Variants in RIC3 observed in about 807,000 individuals in gnomAD.
RIC3 encodes RIC3 acetylcholine receptor chaperone.
Under a neutral mutation model 27.3 loss-of-function variants are expected in RIC3, and 28 were observed. The ratio of observed to expected loss-of-function variants is 1.02; its 90% confidence interval spans 0.76 to 1.41. The LOEUF is 1.41. RIC3 is among the 40% of genes most tolerant of loss of function. The pLI, the probability that RIC3 is intolerant of heterozygous loss-of-function variation, is 0.00. For missense variants in RIC3, 501 were observed against 444.7 expected (o/e 1.13, Z -1.14); for synonymous variants, 184 against 160.4 (o/e 1.15, Z -1.11).
intron 4 of RIC3, chr11:8,128,428 T>A (rs984574641): frequency 2.8e-6 from 1 of 362,060 alleles, no homozygotes; most frequent in African/African-American, 2.1e-5. Context: ...AACCAAAGCA[T>A]CCTCATTTCA....
intron 5 of RIC3, among the ~76,000 whole-genome samples, chr11:8,118,593 C>T (rs1011402996): frequency 1.0e-4 from 15 of 145,764 alleles, no homozygotes; most frequent in African/African-American, 3.0e-4. Flanking sequence ...TTGGGCTGGG[C>T]GCAGTGGCTC....
Position 8,126,699 on chromosome 11 carries a change from C to T in RIC3, c.630G>A (p.Glu210=). The change falls in exon 5 of 6, where the codon GAG becomes GAA. Residue 210 remains glutamate, a synonymous_variant. Transcript: ENST00000309737. Reference sequence around the variant, plus strand: ...TGTAAGGGGCCTCCTCAGCTTCTTTCTCTGGAGAAAATCTGTCAATGAATT... The same window carrying T: ...TGTAAGGGGCCTCCTCAGCTTCTTTTTCTGGAGAAAATCTGTCAATGAATT... The part of the protein sequence containing the change: ...EGKFIDRFSP[E]KEAEEAPYME... 2.5e-6 allele frequency: 4 copies of T among 1,614,176 alleles called. No homozygotes were observed. Among genetic ancestry groups the T allele is most frequent in the Non-Finnish European group, 3.4e-6 (4 of 1,180,022 alleles).
the RIC3 span, chr11:8,094,055 C>T: frequency 7.4e-6 from 12 of 1,614,152 alleles, no homozygotes; most frequent in East Asian, 2.2e-5. Context: ...GTTCAAGAGG[C>T]CGACTCACTC....
chr11:8,150,534 G>C (rs1298596951), intron 1 of RIC3, among the ~76,000 whole-genome samples: 1 of 152,012 alleles, frequency 6.6e-6, no homozygotes, highest in African/African-American at 2.4e-5. Context: ...ACTGCAGTTA[G>C]GCTTAAGAGG....
chr11:8,103,421 T>A (rs1944391030), downstream of RIC3: 1 of 152,280 alleles, frequency 6.6e-6, no homozygotes, highest in African/African-American at 2.4e-5. Context: ...ATTTTAAACG[T>A]GTTAGGCTTT....
At chr11:8,104,052 C>G (rs1045941642), downstream of RIC3, 2 of 152,254 alleles carry the variant, frequency 1.3e-5, no homozygotes, top group Non-Finnish European at 2.9e-5. Flanking sequence ...GAGTGCACTC[C>G]TGGTGATCCT....
the RIC3 span, chr11:8,097,534 C>T: frequency 6.8e-7 from 1 of 1,467,820 alleles, no homozygotes. Context: ...CTCAGTTCCT[C>T]AAAGAAACTG....
intron 2 of RIC3, chr11:8,139,031 C>A: frequency 6.6e-6 from 1 of 152,336 alleles, no homozygotes; most frequent in Non-Finnish European, 1.5e-5. Flanking sequence ...GTGAGTGTAC[C>A]CTTTCTGCAG....
intron 5 of RIC3, among the ~76,000 whole-genome samples, chr11:8,111,911 T>A (rs1417504859): frequency 6.6e-6 from 1 of 152,258 alleles, no homozygotes; most frequent in African/African-American, 2.4e-5. Context: ...AGATGGGCCG[T>A]GCTGGAGCTC....
At chr11:8,101,753 G>A (rs1362141353), downstream of RIC3, 3 of 1,426,268 alleles carry the variant, frequency 2.1e-6, no homozygotes, top group African/African-American at 2.9e-5. Context: ...GGGCTCCCTG[G>A]CCCAGCCAGC....
At chr11:8,123,988 T>C (rs1477505327) in intron 5 of RIC3, among the ~76,000 whole-genome samples, 3 of 150,666 alleles carry the variant, frequency 2.0e-5, no homozygotes. Context: ...GGAGGGTTGC[T>C]TGAGCCCAGG....
chr11:8,097,365 G>C, the RIC3 span: 18 of 1,614,088 alleles, frequency 1.1e-5, no homozygotes, highest in African/African-American at 2.7e-5. Flanking sequence ...ACAAGAAAGG[G>C]ATGGACCGGG....
At chr11:8,128,750 C>CTTTTTTT (rs1177448703) in intron 4 of RIC3, among the ~76,000 whole-genome samples, 28 of 88,492 alleles carry the variant, frequency 3.2e-4, no homozygotes, top group Non-Finnish European at 4.5e-4. Context: ...GTTGCAAAAA[C>CTTTTTTT]TTTTTTTTTT....
At chr11:8,163,119 A>C (rs1012087937) in intron 1 of RIC3, among the ~76,000 whole-genome samples, 6 of 152,152 alleles carry the variant, frequency 3.9e-5, no homozygotes, top group Non-Finnish European at 7.4e-5. Flanking sequence ...AGGAAGGTAA[A>C]GCTGGGTTAA....
the RIC3 span, chr11:8,100,488 C>G: frequency 1.9e-6 from 3 of 1,609,866 alleles, no homozygotes; most frequent in Non-Finnish European, 2.6e-6. Context: ...GCCAGTGTTG[C>G]GTTCTCTTTC....
chr11:8,151,895 G>T (rs1446971849), intron 1 of RIC3, among the ~76,000 whole-genome samples: 1 of 149,194 alleles, frequency 6.7e-6, no homozygotes, highest in Non-Finnish European at 1.5e-5. Flanking sequence ...CAGCCTGGGG[G>T]ACAGAAGTGA....
In RIC3 at chr11:8,111,022, A is replaced by T; in HGVS notation, c.786T>A (p.Ala262=). The change falls in exon 6 of 6, where the codon GCT becomes GCA. Residue 262 remains alanine (A), a synonymous_variant. Transcript: ENST00000309737. ...CCTCTTCTATCATTCCCATTCTTTC[A>T]GCTATTTCTTCAGCAGAAAGTTCTT... ...DPKELSAEEI[A]ERMGMIEEEE... 6.2e-7 allele frequency: 1 copy of T among 1,614,130 alleles called. No homozygotes were observed. Among genetic ancestry groups the T allele is most frequent in the Non-Finnish European group, 8.5e-7 (1 of 1,180,006 alleles).
At chr11:8,168,497 G>C (rs985993563) in intron 1 of RIC3, among the ~76,000 whole-genome samples, 2 of 152,220 alleles carry the variant, frequency 1.3e-5, no homozygotes, top group Non-Finnish European at 2.9e-5. Context: ...AAAACCTAAA[G>C]AGGGAAACCC....
At chr11:8,105,051 A>T (rs1301925673), downstream of RIC3, 1 of 152,022 alleles carries the variant, frequency 6.6e-6, no homozygotes, top group Non-Finnish European at 1.5e-5. Flanking sequence ...AAAAAGGTCC[A>T]TGCTTTGCTT....
Sources: gnomAD v4.1 joint callset for allele counts (sites outside exome capture counted in the v4.1 genomes callset) on GRCh38, gnomAD v4.1.1 for gene constraint, MANE v1.5 for transcripts, NCBI Gene and HGNC (gene_info 2026-07-23, HGNC 2026-07-21) for gene names.